Variants in LTBP1 observed in about 807,000 individuals in gnomAD.
LTBP1 encodes latent transforming growth factor beta binding protein 1, also known as latent-transforming growth factor beta-binding protein 1.
A neutral mutation model predicts 207.6 loss-of-function variants in LTBP1; 129 were observed. The observed-to-expected ratio is 0.62, with a 90% confidence interval of 0.54 to 0.72. The LOEUF (loss-of-function observed/expected upper bound fraction) is 0.72, where lower values mean the gene tolerates loss of function less well. Ranked by LOEUF, LTBP1 falls within the 30% of genes least tolerant of loss-of-function variation. LTBP1 has a pLI of 0.00. For missense variants in LTBP1, 2,281 were observed against 2,217.2 expected (o/e 1.03, Z -0.58); for synonymous variants, 963 against 833.7 (o/e 1.16, Z -2.67).
At chr2:33,208,372 A>G (rs1438033451) in intron 7 of LTBP1, among the ~76,000 whole-genome samples, 1 of 152,248 alleles carries the variant, frequency 6.6e-6, no homozygotes, top group Non-Finnish European at 1.5e-5. Context: ...ATCATTCATT[A>G]TAGCTACCCA....
intron 3 of LTBP1, among the ~76,000 whole-genome samples, chr2:33,042,621 C>T (rs1163187818): frequency 6.6e-6 from 1 of 152,148 alleles, no homozygotes; most frequent in Non-Finnish European, 1.5e-5. Flanking sequence ...AGGCCCAATT[C>T]CCATCCTTTT....
chr2:33,196,417 A>T (rs1357378657), intron 7 of LTBP1, among the ~76,000 whole-genome samples: 1 of 152,170 alleles, frequency 6.6e-6, no homozygotes, highest in Non-Finnish European at 1.5e-5. Flanking sequence ...TTAGAAACAA[A>T]CTTAAAGTTT....
chr2:33,120,846 T>C (rs1008265358), intron 4 of LTBP1, among the ~76,000 whole-genome samples: 2 of 152,208 alleles, frequency 1.3e-5, no homozygotes, highest in Admixed American at 6.5e-5. Context: ...GTAATTTTTT[T>C]CGCAATTAAA....
At chr2:33,243,906 T>A in intron 10 of LTBP1, 122 bp downstream of exon 10, 1 of 1,119,682 alleles carries the variant, frequency 8.9e-7, no homozygotes, top group Non-Finnish European at 1.3e-6. Flanking sequence ...CCTCATTAAT[T>A]AAAATAACAA....
intron 15 of LTBP1, among the ~76,000 whole-genome samples, chr2:33,268,235 G>A (rs1177304351): frequency 6.6e-6 from 1 of 152,168 alleles, no homozygotes. Flanking sequence ...TCATATGGGA[G>A]CCAAACACAG....
chr2:33,172,404 A>G (rs1243951471), intron 5 of LTBP1, among the ~76,000 whole-genome samples: 1 of 152,208 alleles, frequency 6.6e-6, no homozygotes, highest in East Asian at 1.9e-4. Flanking sequence ...AAAGAGACAA[A>G]GAAGGCCATT....
intron 21 of LTBP1, among the ~76,000 whole-genome samples, chr2:33,301,258 A>G (rs1390619796): frequency 6.6e-6 from 1 of 152,168 alleles, no homozygotes; most frequent in Non-Finnish European, 1.5e-5. Context: ...TTGAGAGGAA[A>G]CGCCATTTCT....
chr2:33,084,792 C>T (rs2078654713), intron 3 of LTBP1, among the ~76,000 whole-genome samples: 1 of 152,184 alleles, frequency 6.6e-6, no homozygotes, highest in Non-Finnish European at 1.5e-5. Context: ...CCAGTCAGTC[C>T]AGCTCGGTCC....
intron 7 of LTBP1, among the ~76,000 whole-genome samples, chr2:33,192,468 A>G (rs1262191507): frequency 6.6e-6 from 1 of 152,164 alleles, no homozygotes; most frequent in East Asian, 1.9e-4. Flanking sequence ...CATCACACTC[A>G]GACAGAAAAA....
At position 33,057,659 on chromosome 2, in the gene LTBP1, C is replaced by T. The variant is rs368182254; in HGVS notation, c.863+36453C>T. 1.2e-4 allele frequency among the ~76,000 whole-genome samples: 18 copies of T among 152,374 alleles called. No homozygotes were observed. The East Asian group carries it at 3.5e-3, about 29-fold the overall frequency. On this transcript the variant is annotated intron_variant, in intron 3 of 33. Coordinates refer to ENST00000404816, the MANE Select transcript of LTBP1 (RefSeq NM_206943.4). ...GGGGGACCTGGCGCACCCTCTGCAG[C>T]TGCTGGCCCAGGTGCTAAGCCCCTC...
intron 4 of LTBP1, among the ~76,000 whole-genome samples, chr2:33,119,910 G>A (rs1216433424): frequency 3.9e-5 from 6 of 152,114 alleles, no homozygotes; most frequent in Admixed American, 3.9e-4. Context: ...AGGGCTTTGT[G>A]TTATTTTCTG....
intron 31 of LTBP1, among the ~76,000 whole-genome samples, chr2:33,373,778 A>T (rs1301731702): frequency 6.6e-6 from 1 of 152,180 alleles, no homozygotes; most frequent in African/African-American, 2.4e-5. Context: ...GTACTAGGCA[A>T]ACAATTCTGG....
At chr2:33,091,083 T>C (rs2079061792) in intron 3 of LTBP1, among the ~76,000 whole-genome samples, 1 of 152,194 alleles carries the variant, frequency 6.6e-6, no homozygotes, top group Admixed American at 6.5e-5. Context: ...AGCAGCACTT[T>C]TGTGGAGCCT....
chr2:33,204,024 G>C (rs1195974427), intron 7 of LTBP1, among the ~76,000 whole-genome samples: 1 of 152,170 alleles, frequency 6.6e-6, no homozygotes, highest in Non-Finnish European at 1.5e-5. Flanking sequence ...CCTCAGAATT[G>C]AGATTTGCTA....
intron 3 of LTBP1, among the ~76,000 whole-genome samples, chr2:33,023,137 A>G (rs572929896): frequency 1.3e-5 from 2 of 152,366 alleles, no homozygotes; most frequent in South Asian, 4.1e-4. Flanking sequence ...TGTTTTGGAT[A>G]TTAAAAACAA....
chr2:33,346,580 A>G lies in LTBP1; in HGVS notation c.3857-787A>G, dbSNP rs140008187. Among the ~76,000 whole-genome samples the G allele has an allele frequency of 2.8e-3, 419 of 152,132 alleles. 1 individual carries two copies. The highest frequency in any genetic ancestry group is 9.6e-3 in the African/African-American group (397 of 41,484). ...GTGCCTATAATCCCAGCTACTCAGG[A>G]GGCTGAGTCAGGAGAATCACTTGAA... is the stretch of plus-strand genomic sequence containing the variant. On this transcript the variant is annotated intron_variant, in intron 25 of 33. Coordinates refer to ENST00000404816, the MANE Select transcript of LTBP1 (RefSeq NM_206943.4).
chr2:32,947,768 G>C lies in LTBP1; in HGVS notation c.444G>C (p.Gln148His), dbSNP rs1417919384. ...GCTCCAAGGTGCCGCAGGAGACCCA[G>C]AGCGGCGGAGGCTCTAGGCTGCAGG... ...VVRSKVPQET[Q>H]SGGGSRLQVH... The change falls in exon 1 of 34, where the codon CAG (glutamine) becomes CAC (histidine). Residue 148 changes from glutamine (Q) to histidine (H), a missense_variant. By Grantham distance (24) the Gln-to-His change is conservative. Coordinates refer to ENST00000404816, the MANE Select transcript of LTBP1 (RefSeq NM_206943.4). 6.6e-7 allele frequency: 1 copy of C among 1,518,502 alleles called. No individual in the cohort carries two copies. Among genetic ancestry groups the C allele is most frequent in the Admixed American group, 2.0e-5 (1 of 49,430 alleles). 94.1% of individuals were successfully genotyped at this position (1,518,502 alleles called of 1,614,324 possible).
intron 4 of LTBP1, among the ~76,000 whole-genome samples, chr2:33,117,201 T>C (rs1477497928): frequency 1.3e-5 from 2 of 152,198 alleles, no homozygotes; most frequent in African/African-American, 4.8e-5. Flanking sequence ...CTGATCGCAG[T>C]CCATAGTTCC....
At chr2:33,321,126 C>A (rs1220697195) in intron 24 of LTBP1, among the ~76,000 whole-genome samples, 1 of 152,070 alleles carries the variant, frequency 6.6e-6, no homozygotes, top group Non-Finnish European at 1.5e-5. Context: ...TCCTAGTTTT[C>A]AAAAATGATT....
Sources: allele counts gnomAD v4.1 joint callset (sites outside exome capture counted in the v4.1 genomes callset), GRCh38; gene constraint gnomAD v4.1.1; transcripts MANE v1.5; gene names NCBI Gene and HGNC (gene_info 2026-07-23, HGNC 2026-07-21).